Variants in MACROD2 observed in about 807,000 individuals in gnomAD.
The protein encoded by MACROD2 is ADP-ribose glycohydrolase MACROD2.
Under a neutral mutation model 70.4 loss-of-function variants are expected in MACROD2, and 36 were observed. The observed-to-expected ratio is 0.51, with a 90% CI of 0.39 to 0.68. MACROD2 has a LOEUF of 0.68. Among genes scored for constraint, MACROD2 ranks in the 30% least tolerant of loss-of-function variants. MACROD2 has a pLI of 0.00. For synonymous variants in MACROD2, 172 were observed against 178.8 expected (o/e 0.96, Z 0.30); for missense variants, 496 against 538.4 (o/e 0.92, Z 0.78).
chr20:15,569,555 C>T (rs2048350099), intron 8 of MACROD2, among the ~76,000 whole-genome samples: 2 of 152,196 alleles, frequency 1.3e-5, no homozygotes, highest in African/African-American at 4.8e-5. Context: ...TCCCCAGCCA[C>T]CCAAGTCCCT....
intron 6 of MACROD2, among the ~76,000 whole-genome samples, chr20:15,341,940 C>G (rs1215095043): frequency 6.6e-6 from 1 of 151,824 alleles, no homozygotes; most frequent in Non-Finnish European, 1.5e-5. Flanking sequence ...TGTAATCTTA[C>G]CTATTTGGGA....
intron 3 of MACROD2, among the ~76,000 whole-genome samples, chr20:14,173,469 TTA>T (rs1601311336): frequency 4.6e-5 from 7 of 151,838 alleles, no homozygotes; most frequent in African/African-American, 7.3e-5. Flanking sequence ...GAAGTTGTGA[TTA>T]TTTTTTATTT....
chr20:14,177,474 G>A (rs933471691), intron 3 of MACROD2, among the ~76,000 whole-genome samples: 26 of 151,898 alleles, frequency 1.7e-4, no homozygotes, highest in African/African-American at 5.8e-4. Context: ...GCACCACCAC[G>A]CCTGGCTAAT....
intron 5 of MACROD2, among the ~76,000 whole-genome samples, chr20:15,194,955 T>C (rs2076595613): frequency 6.6e-6 from 1 of 152,138 alleles, no homozygotes; most frequent in African/African-American, 2.4e-5. Context: ...TTTTGTGGTA[T>C]TAAAGAATCG....
intron 6 of MACROD2, among the ~76,000 whole-genome samples, chr20:15,398,073 G>T (rs1175128810): frequency 6.6e-6 from 1 of 152,192 alleles, no homozygotes; most frequent in East Asian, 1.9e-4. Context: ...CAAGAAGGCT[G>T]AATATTCTGG....
At chr20:14,963,669 G>A (rs1449503754) in intron 5 of MACROD2, among the ~76,000 whole-genome samples, 3 of 152,136 alleles carry the variant, frequency 2.0e-5, no homozygotes, top group Non-Finnish European at 4.4e-5. Context: ...GACAAGCTCA[G>A]GATGGAAATA....
At chr20:14,260,480 C>T (rs2082092701) in intron 3 of MACROD2, among the ~76,000 whole-genome samples, 1 of 152,238 alleles carries the variant, frequency 6.6e-6, no homozygotes, top group South Asian at 2.1e-4. Flanking sequence ...TTTTATCACC[C>T]AGGCTGGAGT....
chr20:15,738,169 A>G lies in MACROD2; in HGVS notation c.646-124576A>G, dbSNP rs2051052812. 1.3e-5 allele frequency among the ~76,000 whole-genome samples: 2 copies of G among 152,194 alleles called. 1 individual carries two copies. Among genetic ancestry groups the G allele is most frequent in the South Asian group, 4.1e-4 (2 of 4,836 alleles). ...TGACTATAGTCAATAATAACTGTAC[A>G]TTTTAAAGTAACTGAAACAGTATAA... On this transcript the variant is annotated intron_variant, in intron 8 of 17. Coordinates refer to ENST00000684519, the MANE Select transcript of MACROD2 (RefSeq NM_001351661.2).
intron 8 of MACROD2, among the ~76,000 whole-genome samples, chr20:15,603,670 G>C (rs1054545284): frequency 6.6e-6 from 1 of 152,088 alleles, no homozygotes; most frequent in Admixed American, 6.5e-5. Flanking sequence ...TTTACCATTT[G>C]TGAAAGCCAG....
intron 10 of MACROD2, among the ~76,000 whole-genome samples, chr20:15,901,993 G>A (rs905580446): frequency 6.6e-6 from 1 of 152,178 alleles, no homozygotes; most frequent in Non-Finnish European, 1.5e-5. Context: ...TCAAAATATG[G>A]CCAATGGAAC....
intron 3 of MACROD2, among the ~76,000 whole-genome samples, chr20:14,422,931 A>G (rs2083891330): frequency 6.6e-6 from 1 of 152,138 alleles, no homozygotes; most frequent in Non-Finnish European, 1.5e-5. Flanking sequence ...TCGGGTTAGC[A>G]TTTCTTTTAG....
At chr20:14,175,073 A>G (rs777703948) in intron 3 of MACROD2, among the ~76,000 whole-genome samples, 7 of 152,026 alleles carry the variant, frequency 4.6e-5, no homozygotes, top group Non-Finnish European at 7.4e-5. Context: ...TCCTTCTTCA[A>G]AGGGTCTCTG....
intron 4 of MACROD2, among the ~76,000 whole-genome samples, chr20:14,557,080 T>C (rs1979083644): frequency 6.6e-6 from 1 of 151,996 alleles, no homozygotes; most frequent in Non-Finnish European, 1.5e-5. Flanking sequence ...TCCATTGATG[T>C]CCAATTGATT....
intron 3 of MACROD2, among the ~76,000 whole-genome samples, chr20:14,453,673 C>T (rs1243124354): frequency 4.6e-5 from 7 of 152,028 alleles, no homozygotes; most frequent in South Asian, 2.1e-4. Context: ...CTGTATTCCT[C>T]GTTATAAATG....
rs183191210 is a variant in MACROD2 at position 15,711,340 on chromosome 20, A to G, written c.646-151405A>G. ...TATGTTAATTGCTAAAATATAAACA[A>G]AGGTAAGAAAGGTGCTTTGTGCAGG... On this transcript the variant is annotated intron_variant, in intron 8 of 17. Transcript: ENST00000684519. Among the ~76,000 whole-genome samples the G allele has an allele frequency of 4.1e-3, 630 of 152,320 alleles. 3 individuals carry two copies. Among genetic ancestry groups the G allele is most frequent in the African/African-American group, 0.014 (596 of 41,572 alleles).
chr20:14,727,015 T>C (rs1341518330), intron 5 of MACROD2, among the ~76,000 whole-genome samples: 1 of 152,160 alleles, frequency 6.6e-6, no homozygotes, highest in Non-Finnish European at 1.5e-5. Context: ...TTTCATATGG[T>C]TTAAACCATA....
chr20:15,946,081 A>G (rs747638665), intron 12 of MACROD2, among the ~76,000 whole-genome samples: 7 of 152,172 alleles, frequency 4.6e-5, no homozygotes, highest in Non-Finnish European at 1.0e-4. Context: ...AGAAACCTCC[A>G]GTCATGCCCC....
At chr20:15,073,676 C>G (rs541889568) in intron 5 of MACROD2, among the ~76,000 whole-genome samples, 2 of 152,324 alleles carry the variant, frequency 1.3e-5, no homozygotes, top group South Asian at 2.1e-4. Flanking sequence ...GTCCAGCTCT[C>G]TGGCTTTGTT....
At chr20:14,220,129 G>A (rs1009573046) in intron 3 of MACROD2, among the ~76,000 whole-genome samples, 8 of 152,084 alleles carry the variant, frequency 5.3e-5, no homozygotes, top group African/African-American at 1.9e-4. Context: ...TACCAGGGTG[G>A]GTAGGAAAGG....
Sources: gnomAD v4.1 joint callset for allele counts (sites outside exome capture counted in the v4.1 genomes callset) on GRCh38, gnomAD v4.1.1 for gene constraint, MANE v1.5 for transcripts, NCBI Gene and HGNC (gene_info 2026-07-23, HGNC 2026-07-21) for gene names.